The following TNFRSF6B variants were observed in gnomAD, a reference collection of about 807,000 sequenced individuals.
The protein encoded by TNFRSF6B is tumor necrosis factor receptor superfamily member 6B.
A neutral mutation model predicts 17.9 loss-of-function variants in TNFRSF6B; 23 were observed. The observed-to-expected ratio is 1.28, with a 90% CI of 0.92 to 1.82. The LOEUF is 1.82. Ranked by LOEUF, TNFRSF6B falls within the 40% of genes most tolerant of loss-of-function variation. The pLI, the probability that TNFRSF6B is intolerant of heterozygous loss-of-function variation, is 0.00. For synonymous variants in TNFRSF6B, 291 were observed against 195.8 expected (o/e 1.49, Z -4.06); for missense variants, 555 against 437.2 (o/e 1.27, Z -2.40).
In TNFRSF6B at chr20:63,696,738, A is replaced by C. The variant is rs762479647; in HGVS notation, c.-30A>C. The C allele has an allele frequency of 2.0e-6, 3 of 1,525,456 alleles. No homozygotes were observed. Among genetic ancestry groups the C allele is most frequent in the Non-Finnish European group, 2.6e-6 (3 of 1,136,636 alleles). 94.5% of individuals were successfully genotyped at this position (1,525,456 alleles called of 1,614,324 possible). Reference sequence around the variant, plus strand: ...ACAGCAGGGTCCTGTGTCCGCGCTGAGCCGCGCTCTCCCTGCTCCAGCAAG... The same window carrying C: ...ACAGCAGGGTCCTGTGTCCGCGCTGCGCCGCGCTCTCCCTGCTCCAGCAAG... On this transcript the variant is annotated 5_prime_UTR_variant, in exon 1 of 3. An upstream open reading frame in the 5' UTR loses its in-frame stop. Transcript: ENST00000369996.
chr20:63,697,636 GC>G, intron 2 of TNFRSF6B, 114 bp downstream of exon 2: 1 of 1,202,594 alleles, frequency 8.3e-7, no homozygotes, highest in Non-Finnish European at 1.1e-6. Context: ...CTGGGAAGGG[GC>G]CACAGTGGAT....
chr20:63,697,307 G>C (rs1369807313), intron 1 of TNFRSF6B, 21 bp from the exon 2 acceptor site: 2 of 1,603,582 alleles, frequency 1.2e-6, no homozygotes, highest in Non-Finnish European at 8.5e-7. Flanking sequence ...CCCTGACCCT[G>C]TTCTTCCCTC....
intron 2 of TNFRSF6B, among the ~76,000 whole-genome samples, chr20:63,698,027 C>T (rs568337506): frequency 1.3e-5 from 2 of 152,282 alleles, no homozygotes; most frequent in East Asian, 3.9e-4. Flanking sequence ...GCCTGGGCCC[C>T]CTTGCCTCTT....
rs1316267648 is a variant in TNFRSF6B at position 63,697,324 on chromosome 20, G to A, written c.425-4G>A. The A allele has an allele frequency of 5.6e-6, 9 of 1,610,118 alleles. No individual in the cohort carries two copies. Among genetic ancestry groups the A allele is most frequent in the South Asian group, 4.4e-5 (4 of 90,622 alleles). On this transcript the variant is annotated splice_region_variant and splice_polypyrimidine_tract_variant and intron_variant, in intron 1 of 2. Coordinates refer to ENST00000369996, the MANE Select transcript of TNFRSF6B (RefSeq NM_003823.4). ...CTGACCCTGTTCTTCCCTCCTGGCT[G>A]CAGGCACCCCCAGCCAGAACACGCA... is the stretch of plus-strand genomic sequence containing the variant.
rs776031713 is a variant in TNFRSF6B at position 63,698,291 on chromosome 20, T to G, written c.631T>G (p.Cys211Gly). ...LSTRVPGAEECERAVIDFVAF... is the reference protein window; with the variant it reads ...LSTRVPGAEEGERAVIDFVAF... ...CCACCCCACTGCAGGAGCTGAGGAGTGTGAGCGTGCCGTCATCGACTTTGT... is the reference window on the plus strand; with the variant it reads ...CCACCCCACTGCAGGAGCTGAGGAGGGTGAGCGTGCCGTCATCGACTTTGT... Residue 211 changes from cysteine (C) to glycine (G), a missense_variant, in exon 3 of 3, where the codon TGT (cysteine) becomes GGT (glycine). By Grantham distance (159) the Cys-to-Gly change is radical. Coordinates refer to ENST00000369996, the MANE Select transcript of TNFRSF6B (RefSeq NM_003823.4). 109 of 1,609,708 alleles carry G rather than the reference T, an allele frequency of 6.8e-5. No homozygotes were observed. Among genetic ancestry groups the G allele is most frequent in the Non-Finnish European group, 9.2e-5 (109 of 1,178,764 alleles).
Position 63,697,332 on chromosome 20 carries a change from C to A in TNFRSF6B, c.429C>A (p.Thr143=), listed in dbSNP as rs543879776. 3 of 1,604,180 alleles carry A rather than the reference C, an allele frequency of 1.9e-6. No homozygotes were observed. In the African/African-American group the frequency reaches 4.0e-5, roughly 22 times the overall value. ...GTTCTTCCCTCCTGGCTGCAGGCAC[C>A]CCCAGCCAGAACACGCAGTGCCAGC... ...PPGAGVIAPG[T]PSQNTQCQPC... The change falls in exon 2 of 3, where the codon ACC becomes ACA. Residue 143 remains threonine, a synonymous_variant. Transcript: ENST00000369996.
At chr20:63,698,095 C>G (rs2091022771) in intron 2 of TNFRSF6B, among the ~76,000 whole-genome samples, 185 bp from the exon 3 acceptor site, 1 of 152,062 alleles carries the variant, frequency 6.6e-6, no homozygotes, top group Non-Finnish European at 1.5e-5. Context: ...AGCTCTCTGA[C>G]CGAAGGCTCC....
Position 63,697,496 on chromosome 20 carries a change from G to A in TNFRSF6B, c.593G>A (p.Gly198Asp), listed in dbSNP as rs1178478131. ...GACACCCTGTGCACCAGCTGCACTG[G>A]CTTCCCCCTCAGCACCAGGGTACCA... ...SHDTLCTSCT[G>D]FPLSTRVPGA... Residue 198 changes from glycine (G) to aspartate (D), a missense_variant, in exon 2 of 3, where the codon GGC becomes GAC. Physicochemically the swap from Gly to Asp is moderately conservative, Grantham distance 94. Coordinates refer to ENST00000369996, the MANE Select transcript of TNFRSF6B (RefSeq NM_003823.4). 9.6e-6 allele frequency: 15 copies of A among 1,559,032 alleles called. No individual in the cohort carries two copies. The East Asian group carries it at 2.2e-4, about 23-fold the overall frequency.
Position 63,697,598 on chromosome 20 carries a change from C to T in TNFRSF6B, c.619+76C>T, listed in dbSNP as rs115449224. On this transcript the variant is annotated intron_variant, in intron 2 of 2. Transcript: ENST00000369996. ...GCCCTCACTCCTGCCCCTGCACGTGCATCTAGCCTGAGGCATGCCAGCTGG... is the reference window on the plus strand; with the variant it reads ...GCCCTCACTCCTGCCCCTGCACGTGTATCTAGCCTGAGGCATGCCAGCTGG... 9.8e-4 allele frequency: 1,388 copies of T among 1,415,974 alleles called. 10 individuals are homozygous for T. The African/African-American group carries it at 0.018, about 19-fold the overall frequency. 87.7% of individuals were successfully genotyped at this position (1,415,974 alleles called of 1,614,324 possible).
chr20:63,696,673 A>G lies in TNFRSF6B; in HGVS notation c.-95A>G. The G allele has an allele frequency of 7.3e-7, 1 of 1,370,996 alleles. No homozygotes were observed. Among genetic ancestry groups the G allele is most frequent in the Non-Finnish European group, 9.6e-7 (1 of 1,040,004 alleles). 84.9% of individuals were successfully genotyped at this position (1,370,996 alleles called of 1,614,324 possible). A position where few individuals can be genotyped will look rare whatever the true frequency, so the allele number is the denominator to read the frequency against. Reference sequence around the variant, plus strand: ...TTCTGGACTTGGGCGGCCCCTCCGCAGGCGGACCGGGGGCAAAGGAGGTGG... The same window carrying G: ...TTCTGGACTTGGGCGGCCCCTCCGCGGGCGGACCGGGGGCAAAGGAGGTGG... On this transcript the variant is annotated 5_prime_UTR_variant, in exon 1 of 3. Coordinates refer to ENST00000369996, the MANE Select transcript of TNFRSF6B (RefSeq NM_003823.4).
At position 63,696,933 on chromosome 20, in the gene TNFRSF6B, AC is replaced by A. The variant is rs1305695581; in HGVS notation, c.168del (p.Phe57LeufsTer29). The A allele has an allele frequency of 1.2e-6, 2 of 1,609,462 alleles. No individual in the cohort carries two copies. Among genetic ancestry groups the A allele is most frequent in the Non-Finnish European group, 1.7e-6 (2 of 1,178,792 alleles). ...RLVCAQCPPG[T>X]FVQRPCRRDS... ...GGTGTGCGCCCAGTGCCCCCCAGGC[AC>A]CTTTGTGCAGCGGCCGTGCCGCCGA... On this transcript the variant is annotated frameshift_variant, in exon 1 of 3. Transcript: ENST00000369996. LOFTEE classifies it high-confidence loss of function.
Position 63,697,368 on chromosome 20 carries a change from A to G in TNFRSF6B, c.465A>G (p.Pro155=), listed in dbSNP as rs41304826. The change falls in exon 2 of 3, where the codon CCA becomes CCG. Residue 155 remains proline, a synonymous_variant. Coordinates refer to ENST00000369996, the MANE Select transcript of TNFRSF6B (RefSeq NM_003823.4). ...SQNTQCQPCP[P]GTFSASSSSS... ...ACACGCAGTGCCAGCCGTGCCCCCCAGGCACCTTCTCAGCCAGCAGCTCCA... is the reference window on the plus strand; with the variant it reads ...ACACGCAGTGCCAGCCGTGCCCCCCGGGCACCTTCTCAGCCAGCAGCTCCA... 12,874 of 1,612,086 alleles carry G rather than the reference A, an allele frequency of 8.0e-3. 63 individuals are homozygous for G. Among genetic ancestry groups the G allele is most frequent in the Non-Finnish European group, 9.6e-3 (11,328 of 1,179,736 alleles).
chr20:63,697,295 TC>T (rs746486136), intron 1 of TNFRSF6B, 32 bp from the exon 2 acceptor site: 3 of 1,596,176 alleles, frequency 1.9e-6, no homozygotes, highest in Non-Finnish European at 2.6e-6. Flanking sequence ...GGACACCAGT[TC>T]CCCTGACCCT....
At position 63,697,163 on chromosome 20, in the gene TNFRSF6B, T is replaced by TCCACCTGGTGCC; in HGVS notation, c.397_408dup (p.Pro133_Ala136dup). ...GTTTCTGCTTGGAGCACGCATCGTG[T>TCCACCTGGTGCC]CCACCTGGTGCCGGCGTGATTGCCC... On this transcript the variant is annotated inframe_insertion, in exon 1 of 3. Coordinates refer to ENST00000369996, the MANE Select transcript of TNFRSF6B (RefSeq NM_003823.4). 4.5e-6 allele frequency: 7 copies of TCCACCTGGTGCC among 1,569,922 alleles called. No individual in the cohort carries two copies. The highest frequency in any genetic ancestry group is 6.0e-6 in the Non-Finnish European group (7 of 1,158,786).
rs774448942 is a variant in TNFRSF6B, at chr20:63,696,903, C to T, written c.136C>T (p.Arg46Trp). Reference protein sequence around the residue: ...YPWRDAETGERLVCAQCPPGT... With the variant: ...YPWRDAETGEWLVCAQCPPGT... The stretch of plus-strand genomic sequence containing the variant: ...CTGGCGGGACGCAGAGACAGGGGAG[C>T]GGCTGGTGTGCGCCCAGTGCCCCCC... The change falls in exon 1 of 3, where the codon CGG (arginine) becomes TGG (tryptophan). Residue 46 changes from arginine to tryptophan, a missense_variant. Coordinates refer to ENST00000369996, the MANE Select transcript of TNFRSF6B (RefSeq NM_003823.4). The T allele has an allele frequency of 6.8e-6, 11 of 1,610,786 alleles. No individual in the cohort carries two copies. Among genetic ancestry groups the T allele is most frequent in the Admixed American group, 3.3e-5 (2 of 59,878 alleles).
rs1456901856 is a variant in TNFRSF6B, at chr20:63,697,087, C to A, written c.320C>A (p.Ala107Asp). 2 of 1,601,630 alleles carry A rather than the reference C, an allele frequency of 1.2e-6. No homozygotes were observed. The highest frequency in any genetic ancestry group is 2.2e-5 in the South Asian group (2 of 90,352). ...GAGGAGGAGGCACGGGCTTGCCACG[C>A]CACCCACAACCGTGCCTGCCGCTGC... Reference protein sequence around the residue: ...EREEEARACHATHNRACRCRT... With the variant: ...EREEEARACHDTHNRACRCRT... The change falls in exon 1 of 3, where the codon GCC (alanine) becomes GAC (aspartate). Residue 107 changes from alanine to aspartate, a missense_variant. Physicochemically the swap from Ala to Asp is moderately radical, Grantham distance 126. Transcript: ENST00000369996.
Position 63,696,915 on chromosome 20 carries a change from G to A in TNFRSF6B, c.148G>A (p.Ala50Thr), listed in dbSNP as rs764931903. 12 of 1,610,254 alleles carry A rather than the reference G, an allele frequency of 7.5e-6. No homozygotes were observed. The highest frequency in any genetic ancestry group is 1.0e-5 in the Non-Finnish European group (12 of 1,178,978). ...DAETGERLVCAQCPPGTFVQR... is the reference protein window; with the variant it reads ...DAETGERLVCTQCPPGTFVQR... ...AGAGACAGGGGAGCGGCTGGTGTGC[G>A]CCCAGTGCCCCCCAGGCACCTTTGT... The change falls in exon 1 of 3, where the codon GCC (alanine) becomes ACC (threonine). Residue 50 changes from alanine (A) to threonine (T), a missense_variant. Ala to Thr is a moderately conservative substitution (Grantham distance 58, BLOSUM62 0). Coordinates refer to ENST00000369996, the MANE Select transcript of TNFRSF6B (RefSeq NM_003823.4).
chr20:63,696,945 C>T lies in TNFRSF6B; in HGVS notation c.178C>T (p.Arg60Trp), dbSNP rs2090994224. ...GTGCCCCCCAGGCACCTTTGTGCAG[C>T]GGCCGTGCCGCCGAGACAGCCCCAC... ...AQCPPGTFVQRPCRRDSPTTC... is the reference protein window; with the variant it reads ...AQCPPGTFVQWPCRRDSPTTC... The change falls in exon 1 of 3, where the codon CGG becomes TGG. Residue 60 changes from arginine (R) to tryptophan (W), a missense_variant. Coordinates refer to ENST00000369996, the MANE Select transcript of TNFRSF6B (RefSeq NM_003823.4). 5.0e-6 allele frequency: 8 copies of T among 1,604,548 alleles called. No homozygotes were observed. The highest frequency in any genetic ancestry group is 1.7e-5 in the Admixed American group (1 of 59,270).
rs2091039988 is a variant in TNFRSF6B, at chr20:63,698,620, G to GC, written c.*58dup. ...TGGCACCCCACTTGCACTGAAAGAG[G>GC]CTTTTTTTTAAATAGAAGAAATGAG... On this transcript the variant is annotated 3_prime_UTR_variant, in exon 3 of 3. Transcript: ENST00000369996. 1 of 1,415,458 alleles carries GC rather than the reference G, an allele frequency of 7.1e-7. No individual in the cohort carries two copies. Among genetic ancestry groups the GC allele is most frequent in the African/African-American group, 1.5e-5 (1 of 66,234 alleles). 87.7% of individuals were successfully genotyped at this position (1,415,458 alleles called of 1,614,324 possible).
Sources: allele counts gnomAD v4.1 joint callset (sites outside exome capture counted in the v4.1 genomes callset), GRCh38; gene constraint gnomAD v4.1.1; transcripts MANE v1.5; gene names NCBI Gene and HGNC (gene_info 2026-07-23, HGNC 2026-07-21).